Variants in KCNQ1 observed in about 807,000 individuals in gnomAD.
The protein encoded by KCNQ1 is potassium voltage-gated channel subfamily Q member 1.
In KCNQ1, 49 loss-of-function variants were observed where a neutral mutation model predicts 72.4. The ratio of observed to expected loss-of-function variants is 0.68; its 90% CI spans 0.54 to 0.86. KCNQ1 has a LOEUF of 0.86. Among genes scored for constraint, KCNQ1 ranks in the 40% least tolerant of loss-of-function variants. The pLI, the probability that KCNQ1 is intolerant of heterozygous loss-of-function variation, is 0.00. For synonymous variants in KCNQ1, 450 were observed against 412.6 expected, an observed-to-expected ratio of 1.09 and a Z score of -1.10; for missense variants, 790 against 945.1, an observed-to-expected ratio of 0.84 and a Z score of 2.15.
intron 15 of KCNQ1, among the ~76,000 whole-genome samples, chr11:2,811,682 C>A (rs552315870): frequency 6.6e-6 from 1 of 152,192 alleles, no homozygotes; most frequent in African/African-American, 2.4e-5. Flanking sequence ...GCGCGCAGCA[C>A]AAGGGTCAGC....
intron 1 of KCNQ1, among the ~76,000 whole-genome samples, chr11:2,505,181 C>G (rs1847082813): frequency 6.6e-6 from 1 of 152,122 alleles, no homozygotes; most frequent in South Asian, 2.1e-4. Context: ...TTAAGCCCTA[C>G]ATGCATTAAC....
At chr11:2,717,391 A>C (rs956294762) in intron 11 of KCNQ1, among the ~76,000 whole-genome samples, 1 of 152,194 alleles carries the variant, frequency 6.6e-6, no homozygotes, top group African/African-American at 2.4e-5. Context: ...AATGTTCCCC[A>C]AAATCTACAT....
intron 15 of KCNQ1, among the ~76,000 whole-genome samples, chr11:2,841,862 C>T (rs1220725447): frequency 6.6e-6 from 1 of 152,202 alleles, no homozygotes; most frequent in African/African-American, 2.4e-5. Context: ...AAGGGTCTTT[C>T]TTTCACCATC....
At chr11:2,643,850 A>G (rs1179535540) in intron 10 of KCNQ1, 3 of 398,480 alleles carry the variant, frequency 7.5e-6, no homozygotes, top group African/African-American at 4.1e-5. Context: ...TCTGACGAAT[A>G]TAACTTTGCT....
chr11:2,490,906 A>T (rs1009563920), intron 1 of KCNQ1, among the ~76,000 whole-genome samples: 1 of 152,104 alleles, frequency 6.6e-6, no homozygotes, highest in Non-Finnish European at 1.5e-5. Context: ...GGGTTTCTCC[A>T]TGTTGGTCAG....
chr11:2,610,921 A>C, intron 10 of KCNQ1: 1 of 398,342 alleles, frequency 2.5e-6, no homozygotes. Flanking sequence ...GTAATAGTTC[A>C]ATAACTCACT....
At chr11:2,727,017 C>T (rs755555274) in intron 11 of KCNQ1, among the ~76,000 whole-genome samples, 23 of 152,236 alleles carry the variant, frequency 1.5e-4, no homozygotes, top group Non-Finnish European at 2.5e-4. Context: ...GGAGGGGACA[C>T]TTAAGCCACT....
intron 15 of KCNQ1, among the ~76,000 whole-genome samples, chr11:2,780,267 G>A (rs1013884112): frequency 3.3e-5 from 5 of 152,226 alleles, no homozygotes; most frequent in Non-Finnish European, 7.3e-5. Context: ...CCCTAGGAAA[G>A]GGCCTGGCTG....
chr11:2,838,796 A>G (rs1848140369), intron 15 of KCNQ1, among the ~76,000 whole-genome samples: 1 of 152,088 alleles, frequency 6.6e-6, no homozygotes, highest in Non-Finnish European at 1.5e-5. Flanking sequence ...CTGCCCGAAC[A>G]AAGTGTTCTG....
intron 11 of KCNQ1, among the ~76,000 whole-genome samples, chr11:2,728,596 C>T (rs542906238): frequency 3.9e-5 from 6 of 152,218 alleles, no homozygotes; most frequent in Admixed American, 6.5e-5. Context: ...GCCTTGGGAG[C>T]GTGAGGGCAC....
In KCNQ1 at chr11:2,670,534, C is replaced by T. The variant is rs1850164456; in HGVS notation, c.1514+8453C>T. On this transcript the variant is annotated intron_variant, in intron 11 of 15. Coordinates refer to ENST00000155840, the MANE Select transcript of KCNQ1 (RefSeq NM_000218.3). The surrounding 1 kb of genome is among the most constrained non-coding windows in gnomAD (Gnocchi z 4.9). ...CTCACAGAAGGGGAAATTGAAGCCTCAAGAAGGATAGGGACTTGCCAGTAT... is the reference window on the plus strand; with the variant it reads ...CTCACAGAAGGGGAAATTGAAGCCTTAAGAAGGATAGGGACTTGCCAGTAT... 2 of 397,760 alleles carry T rather than the reference C, an allele frequency of 5.0e-6. No homozygotes were observed. Among genetic ancestry groups the T allele is most frequent in the Non-Finnish European group, 8.9e-6 (2 of 225,922 alleles). 24.6% of individuals were successfully genotyped at this position (397,760 alleles called of 1,614,324 possible). A position where few individuals can be genotyped will look rare whatever the true frequency, so the allele number is the denominator to read the frequency against.
At chr11:2,534,167 CTG>C (rs1847689026) in intron 2 of KCNQ1, among the ~76,000 whole-genome samples, 3 of 152,194 alleles carry the variant, frequency 2.0e-5, no homozygotes, top group Non-Finnish European at 4.4e-5. Flanking sequence ...TAGGGAGTCT[CTG>C]GGCCTCCGTG....
intron 11 of KCNQ1, chr11:2,665,446 G>A (rs1850049834): frequency 2.5e-6 from 1 of 397,092 alleles, no homozygotes. Context: ...GCTCACCAAG[G>A]GTCACTGGCA....
At chr11:2,586,472 C>T (rs1848593941) in intron 8 of KCNQ1, among the ~76,000 whole-genome samples, 3 of 152,226 alleles carry the variant, frequency 2.0e-5, no homozygotes, top group South Asian at 4.1e-4. Context: ...CAGGGGACCA[C>T]ATTGGATTCC....
Position 2,550,253 on chromosome 11 carries a change from A to G in KCNQ1, c.478-20375A>G, listed in dbSNP as rs919853558. ...GCCTGGAGTTTGAACTTTTCTGATCACGGGGTGAGAGGGTCTTTGCAGTTG... is the reference window on the plus strand; with the variant it reads ...GCCTGGAGTTTGAACTTTTCTGATCGCGGGGTGAGAGGGTCTTTGCAGTTG... On this transcript the variant is annotated intron_variant, in intron 2 of 15. Transcript: ENST00000155840. The surrounding 1 kb of genome is among the most constrained non-coding windows in gnomAD (Gnocchi z 6.0). Among the ~76,000 whole-genome samples the G allele has an allele frequency of 6.6e-6, 1 of 152,188 alleles. No homozygotes were observed. Among genetic ancestry groups the G allele is most frequent in the Non-Finnish European group, 1.5e-5 (1 of 68,018 alleles).
At position 2,671,302 on chromosome 11, in the gene KCNQ1, C is replaced by A. The variant is rs1196992283; in HGVS notation, c.1514+9221C>A. 4.0e-5 allele frequency: 16 copies of A among 398,520 alleles called. No individual in the cohort carries two copies. Among genetic ancestry groups the A allele is most frequent in the Non-Finnish European group, 6.2e-5 (14 of 226,076 alleles). The allele number at this position is 398,520 out of a possible 1,614,324, so 24.7% of individuals were successfully genotyped here. A position where few individuals can be genotyped will look rare whatever the true frequency, so the allele number is the denominator to read the frequency against. On this transcript the variant is annotated intron_variant, in intron 11 of 15. Transcript: ENST00000155840. The surrounding 1 kb of genome is among the most constrained non-coding windows in gnomAD (Gnocchi z 4.7). ...GCCTCTGATCTTCTCCATAAGTAAT[C>A]TTTTCCCATGTGTGGCTGCAGCCTC... is the stretch of plus-strand genomic sequence containing the variant.
chr11:2,512,217 C>T (rs1375932988), intron 1 of KCNQ1, among the ~76,000 whole-genome samples: 2 of 152,202 alleles, frequency 1.3e-5, no homozygotes, highest in East Asian at 1.9e-4. Context: ...CAATGAGAAC[C>T]GCACATGCTC....
At position 2,559,145 on chromosome 11, in the gene KCNQ1, C is replaced by A. The variant is rs1481533610; in HGVS notation, c.478-11483C>A. On this transcript the variant is annotated intron_variant, in intron 2 of 15. Coordinates refer to ENST00000155840, the MANE Select transcript of KCNQ1 (RefSeq NM_000218.3). The surrounding 1 kb of genome is among the most constrained non-coding windows in gnomAD (Gnocchi z 4.9). ...CAGGGAGGTTTTGCTCAAGGAGTGT[C>A]CCTTGAGCAAAATATTGCACTTTCG... is the stretch of plus-strand genomic sequence containing the variant. 6.6e-6 allele frequency among the ~76,000 whole-genome samples: 1 copy of A among 151,984 alleles called. No individual in the cohort carries two copies. The highest frequency in any genetic ancestry group is 1.5e-5 in the Non-Finnish European group (1 of 67,978).
rs1463260962 is a variant in KCNQ1, at chr11:2,744,692, G to A, written c.1515-24152G>A. On this transcript the variant is annotated intron_variant, in intron 11 of 15. Coordinates refer to ENST00000155840, the MANE Select transcript of KCNQ1 (RefSeq NM_000218.3). ...CTTTAAATGGAAATTTCTAAATTAC[G>A]GTGTACCGAATGCATCCACCCTTGG... Among the ~76,000 whole-genome samples, 8 of 152,208 alleles carry A rather than the reference G, an allele frequency of 5.3e-5. No homozygotes were observed. In the South Asian group the frequency reaches 6.2e-4, roughly 12 times the overall value.
Sources: allele counts gnomAD v4.1 joint callset (sites outside exome capture counted in the v4.1 genomes callset), GRCh38; gene constraint gnomAD v4.1.1; non-coding constraint Gnocchi (gnomAD v3.1); transcripts MANE v1.5; gene names NCBI Gene and HGNC (gene_info 2026-07-23, HGNC 2026-07-21).